PRKD1: variants seen among roughly 807,000 people sequenced by gnomAD.
PRKD1 encodes protein kinase D1.
Under a neutral mutation model 95.9 loss-of-function variants are expected in PRKD1, and 63 were observed. The ratio of observed to expected loss-of-function variants is 0.66; its 90% CI spans 0.54 to 0.81. The LOEUF is 0.81. PRKD1 is among the 30% of genes least tolerant of loss of function. The pLI is 0.00. For synonymous variants in PRKD1, 425 were observed against 423.1 expected (o/e 1.00, Z -0.05); for missense variants, 1,048 against 1,165.3 (o/e 0.90, Z 1.47).
intron 1 of PRKD1, among the ~76,000 whole-genome samples, chr14:29,826,844 C>CACATATATAT (rs1323754040): frequency 7.0e-5 from 2 of 28,676 alleles, no homozygotes; most frequent in African/African-American, 2.4e-4. Flanking sequence ...TATATACACA[C>CACATATATAT]ATATATATAT....
chr14:29,597,310 C>T (rs1355088649), intron 16 of PRKD1, among the ~76,000 whole-genome samples, 181 bp downstream of exon 16: 1 of 152,004 alleles, frequency 6.6e-6, no homozygotes, highest in African/African-American at 2.4e-5. Flanking sequence ...ATATATATAA[C>T]CCAATTTCTG....
intron 4 of PRKD1, among the ~76,000 whole-genome samples, chr14:29,661,525 C>T (rs1195092885): frequency 2.0e-5 from 3 of 152,020 alleles, no homozygotes; most frequent in Non-Finnish European, 2.9e-5. Flanking sequence ...TATGAAGAAG[C>T]GAAGACATGA....
At chr14:29,871,198 T>C (rs534929531) in intron 1 of PRKD1, among the ~76,000 whole-genome samples, 7 of 152,152 alleles carry the variant, frequency 4.6e-5, no homozygotes, top group Non-Finnish European at 8.8e-5. Context: ...TGAGCAACAA[T>C]TGGAAATGAC....
intron 13 of PRKD1, among the ~76,000 whole-genome samples, chr14:29,621,529 AG>A (rs1879267725): frequency 6.6e-6 from 1 of 151,848 alleles, no homozygotes; most frequent in African/African-American, 2.4e-5. Context: ...AATAATTGGC[AG>A]TTTTATAATA....
intron 1 of PRKD1, among the ~76,000 whole-genome samples, chr14:29,834,593 A>T (rs966380109): frequency 2.0e-5 from 3 of 152,058 alleles, no homozygotes; most frequent in Non-Finnish European, 4.4e-5. Context: ...TACTATAATA[A>T]ACATAATAAT....
intron 2 of PRKD1, among the ~76,000 whole-genome samples, chr14:29,713,731 T>G (rs185083506): frequency 1.7e-3 from 256 of 152,272 alleles, no homozygotes; most frequent in Admixed American, 4.2e-3. Context: ...TTTTCTCTTT[T>G]CTACTTTTCC....
chr14:29,680,659 C>G (rs926813538), intron 2 of PRKD1, among the ~76,000 whole-genome samples: 1 of 152,132 alleles, frequency 6.6e-6, no homozygotes, highest in Non-Finnish European at 1.5e-5. Context: ...TTTAGACCCA[C>G]AGTTGAGGGA....
intron 2 of PRKD1, among the ~76,000 whole-genome samples, chr14:29,696,209 T>C (rs984295546): frequency 1.3e-5 from 2 of 150,072 alleles, no homozygotes; most frequent in Non-Finnish European, 2.9e-5. Flanking sequence ...GATGAACTGA[T>C]TTATGTCTAT....
intron 1 of PRKD1, among the ~76,000 whole-genome samples, chr14:29,833,585 C>A (rs1028363675): frequency 6.6e-6 from 1 of 152,006 alleles, no homozygotes; most frequent in Non-Finnish European, 1.5e-5. Context: ...CTAATGATGT[C>A]AGACAGGTAT....
Position 29,867,118 on chromosome 14 carries a change from T to C in PRKD1, c.264+60131A>G, listed in dbSNP as rs898141515. Among the ~76,000 whole-genome samples the C allele has an allele frequency of 2.6e-5, 4 of 152,324 alleles. No homozygotes were observed. In the East Asian group the frequency reaches 5.8e-4, roughly 22 times the overall value. On this transcript the variant is annotated intron_variant, in intron 1 of 17. Transcript: ENST00000331968. ...CATTCCCACTATACCTGCTCCTCAA[T>C]TGGATAGAAGCTTCAATCTCATAAT...
chr14:29,788,947 C>T (rs979927304), intron 1 of PRKD1, among the ~76,000 whole-genome samples: 3 of 151,920 alleles, frequency 2.0e-5, no homozygotes, highest in Admixed American at 1.3e-4. Context: ...AGTGCAGTGG[C>T]GTGATCATGG....
At chr14:29,755,985 C>A (rs2139473806) in intron 1 of PRKD1, among the ~76,000 whole-genome samples, 1 of 152,236 alleles carries the variant, frequency 6.6e-6, no homozygotes, top group Admixed American at 6.5e-5. Context: ...ATTCCCATAG[C>A]TACTCCCCAA....
intron 2 of PRKD1, among the ~76,000 whole-genome samples, chr14:29,675,210 A>C (rs2139245592): frequency 6.6e-6 from 1 of 152,362 alleles, no homozygotes; most frequent in Non-Finnish European, 1.5e-5. Flanking sequence ...CTGGTTCATT[A>C]GAATAAAAGA....
intron 1 of PRKD1, among the ~76,000 whole-genome samples, chr14:29,762,929 A>G (rs1888066002): frequency 6.6e-6 from 1 of 151,840 alleles, no homozygotes. Context: ...TTTTTAGTAG[A>G]GATGGGGTTT....
chr14:29,797,693 C>T (rs1889874583), intron 1 of PRKD1, among the ~76,000 whole-genome samples: 1 of 152,194 alleles, frequency 6.6e-6, no homozygotes, highest in African/African-American at 2.4e-5. Flanking sequence ...TGCACTGCTA[C>T]AGACACACAC....
At position 29,662,862 on chromosome 14, in the gene PRKD1, C is replaced by T. The variant is rs59571912; in HGVS notation, c.696+837G>A. 3.3e-5 allele frequency among the ~76,000 whole-genome samples: 5 copies of T among 151,438 alleles called. No individual in the cohort carries two copies. The East Asian group carries it at 9.7e-4, about 29-fold the overall frequency. On this transcript the variant is annotated intron_variant, in intron 4 of 17. Transcript: ENST00000331968. Reference sequence around the variant, plus strand: ...TATAAAGCATCATTGTAATATCCATCGGGAGATAGAGGGGGTAAATATGGG... The same window carrying T: ...TATAAAGCATCATTGTAATATCCATTGGGAGATAGAGGGGGTAAATATGGG...
At chr14:29,677,029 C>T (rs546015257) in intron 2 of PRKD1, among the ~76,000 whole-genome samples, 1 of 152,298 alleles carries the variant, frequency 6.6e-6, no homozygotes, top group East Asian at 1.9e-4. Context: ...CAGAACATTT[C>T]CATGATTCCA....
At chr14:29,870,801 GATC>G (rs1365877146) in intron 1 of PRKD1, among the ~76,000 whole-genome samples, 1 of 152,086 alleles carries the variant, frequency 6.6e-6, no homozygotes, top group East Asian at 1.9e-4. Flanking sequence ...ATGACTCAGA[GATC>G]ATGTTTATAT....
intron 1 of PRKD1, among the ~76,000 whole-genome samples, chr14:29,780,272 G>A (rs1888983951): frequency 6.6e-6 from 1 of 152,070 alleles, no homozygotes; most frequent in Admixed American, 6.5e-5. Flanking sequence ...GGCAACAAAA[G>A]CCAAAATTAA....
Sources: gnomAD v4.1 joint callset for allele counts (sites outside exome capture counted in the v4.1 genomes callset) on GRCh38, gnomAD v4.1.1 for gene constraint, MANE v1.5 for transcripts, NCBI Gene and HGNC (gene_info 2026-07-23, HGNC 2026-07-21) for gene names.